GPHN: variants seen among roughly 807,000 people sequenced by gnomAD.
GPHN encodes the protein gephyrin.
A neutral mutation model predicts 95.5 loss-of-function variants in GPHN; 17 were observed. That is an observed-to-expected ratio of 0.18 (90% confidence interval 0.12 to 0.27). The LOEUF (loss-of-function observed/expected upper bound fraction) is 0.27. Ranked by LOEUF, GPHN falls within the 10% of genes least tolerant of loss-of-function variation. The pLI is 1.00. For synonymous variants in GPHN, 320 were observed against 322.5 expected, an observed-to-expected ratio of 0.99 and a Z score of 0.08; for missense variants, 660 against 978.1, an observed-to-expected ratio of 0.67 and a Z score of 4.34.
chr14:67,574,265 CT>C, the GPHN span: 1 of 1,607,682 alleles, frequency 6.2e-7, no homozygotes, highest in Non-Finnish European at 8.5e-7. The surrounding 1 kb of genome is among the most constrained non-coding windows in gnomAD (Gnocchi z 4.2). Context: ...AGAAAACCTA[CT>C]ACCTGACGGC....
the GPHN span, chr14:67,334,168 GA>G: frequency 6.6e-6 from 1 of 152,572 alleles, no homozygotes; most frequent in African/African-American, 2.4e-5. Context: ...TAAATATATA[GA>G]AATAGGTTTT....
At chr14:67,642,448 C>A in the GPHN span, 2 of 1,458,676 alleles carry the variant, frequency 1.4e-6, no homozygotes, top group Non-Finnish European at 1.9e-6. Flanking sequence ...GTTTCTTCAT[C>A]TGGAGAAAAA....
At chr14:67,046,468 T>C (rs1231214824) in intron 10 of GPHN, among the ~76,000 whole-genome samples, 1 of 152,172 alleles carries the variant, frequency 6.6e-6, no homozygotes, top group African/African-American at 2.4e-5. Flanking sequence ...GAGATGAGAC[T>C]GAAAGGAAAG....
At chr14:66,983,227 G>A (rs924311363) in intron 9 of GPHN, among the ~76,000 whole-genome samples, 20 of 151,986 alleles carry the variant, frequency 1.3e-4, no homozygotes, top group Non-Finnish European at 7.4e-5. Context: ...ACTCCAGCCT[G>A]GATGACAGAG....
At chr14:66,746,184 TATAA>T (rs2058142169) in intron 2 of GPHN, among the ~76,000 whole-genome samples, 1 of 152,334 alleles carries the variant, frequency 6.6e-6, no homozygotes, top group East Asian at 1.9e-4. Context: ...TTCATTTCTC[TATAA>T]ATACCCAGAT....
the GPHN span, chr14:67,589,899 A>G: frequency 4.7e-6 from 6 of 1,266,906 alleles, no homozygotes; most frequent in Admixed American, 3.8e-5. Context: ...AAACACTATA[A>G]TACACGGAAA....
intron 5 of GPHN, among the ~76,000 whole-genome samples, chr14:66,895,372 C>A (rs534851251): frequency 2.6e-5 from 4 of 151,870 alleles, no homozygotes; most frequent in African/African-American, 9.7e-5. Context: ...ATGCGGGGAG[C>A]GGGGAGGGAA....
At chr14:67,315,268 A>ATTTT in the GPHN span, among the ~76,000 whole-genome samples, 15 of 101,590 alleles carry the variant, frequency 1.5e-4, no homozygotes, top group Non-Finnish European at 2.6e-4. Flanking sequence ...CTTATTTTTA[A>ATTTT]TTTTTTTTTT....
the GPHN span, among the ~76,000 whole-genome samples, chr14:67,507,377 A>C: frequency 6.6e-6 from 1 of 152,106 alleles, no homozygotes; most frequent in Non-Finnish European, 1.5e-5. Flanking sequence ...AAACAAAAAA[A>C]CATCAACCAG....
intron 1 of GPHN, among the ~76,000 whole-genome samples, chr14:66,678,081 T>C (rs566693614): frequency 7.2e-5 from 11 of 152,152 alleles, no homozygotes; most frequent in Non-Finnish European, 1.3e-4. Context: ...ATGACATTTT[T>C]GGGTTGAGTA....
chr14:66,742,938 G>A (rs146836393), intron 2 of GPHN, among the ~76,000 whole-genome samples: 1,827 of 151,876 alleles, frequency 0.012, 18 homozygotes, highest in Non-Finnish European at 0.018. Flanking sequence ...ATTTTTTTTT[G>A]TATTTTTAGT....
the GPHN span, chr14:67,678,214 G>A: frequency 1.4e-6 from 1 of 737,310 alleles, no homozygotes; most frequent in African/African-American, 1.8e-5. Context: ...GGAAGGTTTT[G>A]CTCTCTTTGT....
At chr14:67,395,417 G>A in the GPHN span, 3 of 1,613,722 alleles carry the variant, frequency 1.9e-6, no homozygotes, top group East Asian at 2.2e-5. Context: ...GCTGATGTGC[G>A]GGGGCAGCTT....
At chr14:66,567,438 G>A (rs780727198) in intron 1 of GPHN, among the ~76,000 whole-genome samples, 5 of 152,150 alleles carry the variant, frequency 3.3e-5, no homozygotes, top group Non-Finnish European at 4.4e-5. Context: ...ATAGATCTAG[G>A]ATTGTTATGA....
chr14:67,341,561 TG>T, the GPHN span, among the ~76,000 whole-genome samples: 27 of 135,658 alleles, frequency 2.0e-4, no homozygotes, highest in Admixed American at 1.9e-3. Flanking sequence ...GGGAGGGAGG[TG>T]GGGGGGTCAG....
chr14:67,575,990 C>A, the GPHN span: 1 of 1,611,756 alleles, frequency 6.2e-7, no homozygotes, highest in African/African-American at 1.3e-5. Context: ...TCCTCATTGG[C>A]ACCAAGCATG....
chr14:67,289,147 T>C, the GPHN span, among the ~76,000 whole-genome samples: 2 of 151,144 alleles, frequency 1.3e-5, no homozygotes, highest in South Asian at 4.2e-4. Context: ...TTGCATTTTT[T>C]TGTAGACCTG....
At chr14:67,381,994 A>C in the GPHN span, among the ~76,000 whole-genome samples, 1 of 152,182 alleles carries the variant, frequency 6.6e-6, no homozygotes, top group African/African-American at 2.4e-5. Context: ...ACTTTAAAAA[A>C]GAGTAACACT....
chr14:67,109,082 T>A lies in GPHN; in HGVS notation c.1294-1058T>A, dbSNP rs891311634. 2.6e-5 allele frequency among the ~76,000 whole-genome samples: 4 copies of A among 152,280 alleles called. No homozygotes were observed. The East Asian group carries it at 7.7e-4, about 29-fold the overall frequency. ...GAGGCTACAAACCTGCACAGCATAT[T>A]ACAGTATTACTGAATACGTAAGCAA... is the stretch of plus-strand genomic sequence containing the variant. On this transcript the variant is annotated intron_variant, in intron 13 of 22. Coordinates refer to ENST00000478722, the MANE Select transcript of GPHN (RefSeq NM_020806.5).
Sources: gnomAD v4.1 joint callset for allele counts (sites outside exome capture counted in the v4.1 genomes callset) on GRCh38, gnomAD v4.1.1 for gene constraint, Gnocchi (gnomAD v3.1) non-coding constraint, MANE v1.5 for transcripts, NCBI Gene and HGNC (gene_info 2026-07-23, HGNC 2026-07-21) for gene names.